The following TNC variants were observed in gnomAD, a reference collection of about 807,000 sequenced individuals.
The protein encoded by TNC is tenascin C.
In TNC, 109 loss-of-function variants were observed where a neutral mutation model predicts 202.4. The ratio of observed to expected loss-of-function variants is 0.54; its 90% CI spans 0.46 to 0.63. The LOEUF (loss-of-function observed/expected upper bound fraction) is 0.63. TNC is among the 30% of genes least tolerant of loss of function. The pLI is 0.00. For missense variants in TNC, 2,756 were observed against 2,833.3 expected, an observed-to-expected ratio of 0.97 and a Z score of 0.62; for synonymous variants, 1,007 against 1,089.7, an observed-to-expected ratio of 0.92 and a Z score of 1.50.
intron 6 of TNC, among the ~76,000 whole-genome samples, chr9:115,081,398 T>G (rs1834292477): frequency 6.6e-6 from 1 of 152,174 alleles, no homozygotes; most frequent in Non-Finnish European, 1.5e-5. Flanking sequence ...GGATGTGCTT[T>G]GATAGAAGTG....
chr9:115,044,326 T>C (rs1395369047), intron 17 of TNC, among the ~76,000 whole-genome samples: 1 of 151,392 alleles, frequency 6.6e-6, no homozygotes, highest in East Asian at 1.9e-4. Context: ...ATTAGGCATC[T>C]TCTGTGCTCA....
intron 17 of TNC, among the ~76,000 whole-genome samples, chr9:115,043,797 C>T (rs1052098502): frequency 5.9e-5 from 9 of 152,184 alleles, no homozygotes; most frequent in Non-Finnish European, 1.3e-4. Flanking sequence ...CTGAGGACTT[C>T]CCTCTGCCAA....
chr9:115,069,109 A>C (rs909734958), intron 10 of TNC, among the ~76,000 whole-genome samples: 10 of 152,236 alleles, frequency 6.6e-5, no homozygotes, highest in African/African-American at 2.4e-4. Context: ...AAATATTTGA[A>C]TAAATTTCAG....
chr9:115,054,335 C>T (rs966481016), intron 15 of TNC, among the ~76,000 whole-genome samples: 1 of 152,180 alleles, frequency 6.6e-6, no homozygotes, highest in Non-Finnish European at 1.5e-5. Flanking sequence ...CATGGGATAT[C>T]CTCCTTATCA....
intron 21 of TNC, chr9:115,035,872 T>A: frequency 2.0e-6 from 1 of 488,404 alleles, no homozygotes; most frequent in Non-Finnish European, 3.6e-6. Context: ...CTTAAAATCT[T>A]TTCCTTCCCC....
At chr9:115,035,106 A>T in intron 22 of TNC, 98 bp downstream of exon 22, 1 of 1,375,496 alleles carries the variant, frequency 7.3e-7, no homozygotes. Flanking sequence ...CCCCAGATGC[A>T]CTGGGGTAGA....
intron 13 of TNC, among the ~76,000 whole-genome samples, chr9:115,060,927 A>AT (rs1832493890): frequency 6.6e-6 from 1 of 152,094 alleles, no homozygotes; most frequent in East Asian, 1.9e-4. Context: ...AAGAAAGGAG[A>AT]TTTTTCTCAG....
At chr9:115,042,627 C>T (rs935132483) in intron 17 of TNC, among the ~76,000 whole-genome samples, 1 of 152,122 alleles carries the variant, frequency 6.6e-6, no homozygotes, top group East Asian at 1.9e-4. Context: ...AGAATGGTTT[C>T]CCAGATTGGA....
chr9:115,033,174 G>T (rs1225847215), intron 22 of TNC, among the ~76,000 whole-genome samples: 2 of 152,182 alleles, frequency 1.3e-5, no homozygotes, highest in Non-Finnish European at 2.9e-5. Context: ...CTTGCATGCG[G>T]GTTTCCCAAC....
rs1457925207 is a variant in TNC at position 115,063,847 on chromosome 9, C to T, written c.3709G>A (p.Gly1237Arg). The T allele has an allele frequency of 3.1e-6, 5 of 1,614,110 alleles. No individual in the cohort carries two copies. In the African/African-American group the frequency reaches 4.0e-5, roughly 13 times the overall value. Residue 1237 changes from glycine (G) to arginine (R), a missense_variant, in exon 12 of 28, where the codon GGG becomes AGG. By Grantham distance (125) the Gly-to-Arg change is moderately radical. Transcript: ENST00000350763. ...GTTGTGCTGAAGTCCTGAGTGACCCCGCGGATGGTGATGGTATAATGAGTG... is the reference window on the plus strand; with the variant it reads ...GTTGTGCTGAAGTCCTGAGTGACCCTGCGGATGGTGATGGTATAATGAGTG... ...AATHYTITIR[G>R]VTQDFSTTPL...
rs1335966276 is a variant in TNC at position 115,021,243 on chromosome 9, C to T, written c.6520G>A (p.Gly2174Ser). The T allele has an allele frequency of 1.2e-6, 2 of 1,612,898 alleles. No homozygotes were observed. The highest frequency in any genetic ancestry group is 1.7e-4 in the Middle Eastern group (1 of 6,048). Residue 2174 changes from glycine to serine, a missense_variant, in exon 28 of 28, where the codon GGC (glycine) becomes AGC (serine). Around this residue, in one of 2 missense-constraint regions of TNC, gnomAD observed 197 missense variants for 287.3 expected, o/e 0.69. Coordinates refer to ENST00000350763, the MANE Select transcript of TNC (RefSeq NM_002160.4). ...SQGVNWFHWK[G>S]HEHSIQFAEM... ...GCAAACTGGATTGAGTGTTCGTGGCCCTTCCAGTGGAACCAGTTAACGCCC... is the reference window on the plus strand; with the variant it reads ...GCAAACTGGATTGAGTGTTCGTGGCTCTTCCAGTGGAACCAGTTAACGCCC...
intron 15 of TNC, among the ~76,000 whole-genome samples, chr9:115,056,778 T>C (rs1436845061): frequency 6.6e-6 from 1 of 152,236 alleles, no homozygotes; most frequent in Non-Finnish European, 1.5e-5. Context: ...ACTAAGATAA[T>C]ACAAAATAAA....
Position 115,046,673 on chromosome 9 carries a change from G to A in TNC, c.4862C>T (p.Pro1621Leu), listed in dbSNP as rs543240444. ...LRAEIVTEAE[P>L]EVDNLLVSDA... The stretch of plus-strand genomic sequence containing the variant: ...TGAAACCAGAAGGTTGTCAACTTCC[G>A]GTTCGGCTTCTAGAGGGAGAGAAAA... The change falls in exon 17 of 28, where the codon CCG becomes CTG. Residue 1621 changes from proline (P) to leucine (L), a missense_variant. This residue lies in a region of TNC where 2,559 missense variants were observed against 2,546.0 expected (regional missense o/e 1.01). Coordinates refer to ENST00000350763, the MANE Select transcript of TNC (RefSeq NM_002160.4). 1.2e-5 allele frequency: 19 copies of A among 1,612,684 alleles called. 1 individual carries two copies. The highest frequency in any genetic ancestry group is 5.0e-5 in the Admixed American group (3 of 59,976).
chr9:115,037,010 A>G (rs1407279902), intron 20 of TNC, among the ~76,000 whole-genome samples: 1 of 152,216 alleles, frequency 6.6e-6, no homozygotes, highest in African/African-American at 2.4e-5. Context: ...CATGGTTCCC[A>G]TGAACTATAC....
rs777370852 is a variant in TNC, at chr9:115,029,403, T to C, written c.6126A>G (p.Ala2042=). 5.0e-6 allele frequency: 8 copies of C among 1,614,136 alleles called. No homozygotes were observed. The highest frequency in any genetic ancestry group is 6.8e-6 in the Non-Finnish European group (8 of 1,180,018). Residue 2042 remains alanine, a synonymous_variant, in exon 25 of 28, where the codon GCA becomes GCG. Transcript: ENST00000350763. ...GRENFYQNWK[A]YAAGFGDRRE... ...TGCGGTCCCCAAATCCAGCAGCATA[T>C]GCCTTCCAGTTTTGGTAGAAGTTCT...
intron 9 of TNC, among the ~76,000 whole-genome samples, chr9:115,074,930 C>T (rs1435257796): frequency 1.3e-5 from 2 of 152,102 alleles, no homozygotes; most frequent in Non-Finnish European, 2.9e-5. Context: ...TTGGGGGAAC[C>T]TGGGTGATGG....
intron 22 of TNC, among the ~76,000 whole-genome samples, chr9:115,034,156 C>T (rs747360105): frequency 5.3e-5 from 8 of 152,314 alleles, no homozygotes; most frequent in Admixed American, 2.6e-4. Context: ...AGAGGAAGTC[C>T]GGATTCAAAT....
Position 115,023,999 on chromosome 9 carries a change from T to G in TNC, c.6469A>C (p.Arg2157=), listed in dbSNP as rs771774720. ...RNCHRVNLMG[R]YGDNNHSQGV... ...TGACTGTGGTTATTGTCCCCATATC[T>G]CCCCATCAGGTTGACACGGTGACAG... Residue 2157 remains arginine, a synonymous_variant, in exon 27 of 28, where the codon AGA becomes CGA. Coordinates refer to ENST00000350763, the MANE Select transcript of TNC (RefSeq NM_002160.4). 11 of 1,613,928 alleles carry G rather than the reference T, an allele frequency of 6.8e-6. No individual in the cohort carries two copies. The Admixed American group carries it at 1.3e-4, about 20-fold the overall frequency.
At chr9:115,059,299 G>A (rs1832365145) in intron 14 of TNC, among the ~76,000 whole-genome samples, 1 of 152,124 alleles carries the variant, frequency 6.6e-6, no homozygotes. Context: ...GGGATTTAGA[G>A]ATAGAAAAGC....
Sources: allele counts gnomAD v4.1 joint callset (sites outside exome capture counted in the v4.1 genomes callset), GRCh38; gene constraint gnomAD v4.1.1; regional missense constraint gnomAD v4.1.1; transcripts MANE v1.5; gene names NCBI Gene and HGNC (gene_info 2026-07-23, HGNC 2026-07-21).